Variants in CPD observed in about 807,000 individuals in gnomAD.
CPD encodes metallocarboxypeptidase D.
Under a neutral mutation model 138.3 loss-of-function variants are expected in CPD, and 69 were observed. That is an observed-to-expected ratio of 0.50 (90% CI 0.41 to 0.61). The LOEUF is 0.61. Among genes scored for constraint, CPD ranks in the 20% least tolerant of loss-of-function variants. The probability of loss-of-function intolerance (pLI) is 0.00; values close to 1 mark genes in which losing one functional copy is unlikely to be tolerated. For missense variants in CPD, 1,432 were observed against 1,733.3 expected (o/e 0.83, Z 3.09); for synonymous variants, 651 against 642.1 (o/e 1.01, Z -0.21).
At chr17:30,458,935 A>T (rs902298471) in intron 17 of CPD, among the ~76,000 whole-genome samples, 65 of 151,188 alleles carry the variant, frequency 4.3e-4, no homozygotes, top group Admixed American at 3.1e-3. Flanking sequence ...GATGCAGTTT[A>T]TTTTTTATGG....
In CPD at chr17:30,385,034, C is replaced by T; in HGVS notation, c.792C>T (p.Ser264=). The T allele has an allele frequency of 5.0e-6, 8 of 1,614,026 alleles. No homozygotes were observed. The highest frequency in any genetic ancestry group is 5.1e-6 in the Non-Finnish European group (6 of 1,179,934). Residue 264 remains serine, a synonymous_variant, in exon 2 of 21, where the codon AGC becomes AGT. Transcript: ENST00000225719. ...GNLHGGSVVA[S]YPFDDSPEHK... Reference sequence around the variant, plus strand: ...TGCATGGTGGCTCAGTGGTAGCAAGCTATCCTTTTGATGATTCTCCAGAAC... The same window carrying T: ...TGCATGGTGGCTCAGTGGTAGCAAGTTATCCTTTTGATGATTCTCCAGAAC...
At chr17:30,407,477 A>G (rs1189076084) in intron 2 of CPD, among the ~76,000 whole-genome samples, 1 of 151,960 alleles carries the variant, frequency 6.6e-6, no homozygotes, top group African/African-American at 2.4e-5. Context: ...TCCAGTATCT[A>G]TTGTTTCCTG....
At chr17:30,420,349 C>T (rs559087676) in intron 2 of CPD, among the ~76,000 whole-genome samples, 2 of 152,276 alleles carry the variant, frequency 1.3e-5, no homozygotes, top group South Asian at 2.1e-4. Context: ...AATAATGCTT[C>T]GGCATGAATA....
chr17:30,422,607 T>G, intron 4 of CPD, 67 bp from the exon 5 acceptor site: 1 of 1,060,590 alleles, frequency 9.4e-7, no homozygotes, highest in Non-Finnish European at 1.4e-6. Flanking sequence ...GCTACTGTGC[T>G]TTTATAATAT....
At chr17:30,435,634 A>G (rs1912679227) in intron 8 of CPD, among the ~76,000 whole-genome samples, 1 of 152,208 alleles carries the variant, frequency 6.6e-6, no homozygotes, top group African/African-American at 2.4e-5. Flanking sequence ...ACAAAAAAAG[A>G]TTGATACATT....
chr17:30,403,046 C>T (rs952584037), intron 2 of CPD, among the ~76,000 whole-genome samples: 8 of 152,086 alleles, frequency 5.3e-5, no homozygotes, highest in East Asian at 1.9e-4. Context: ...GTGGAGGTTG[C>T]GGTGAGCAGA....
intron 2 of CPD, among the ~76,000 whole-genome samples, chr17:30,417,140 C>A (rs1049554628): frequency 5.9e-5 from 9 of 151,432 alleles, no homozygotes; most frequent in Non-Finnish European, 1.3e-4. Context: ...TTCTCACTAT[C>A]TGATATTTTT....
At chr17:30,397,707 A>G (rs1362661947) in intron 2 of CPD, among the ~76,000 whole-genome samples, 2 of 140,954 alleles carry the variant, frequency 1.4e-5, no homozygotes, top group Non-Finnish European at 3.0e-5. Context: ...ACTGCACTGC[A>G]GCTTGGGTGA....
rs1015835392 is a variant in CPD, at chr17:30,382,857, C to T, written c.747-2132C>T. ...CCAGAGGGTATTTGTTTGTTTGTTT[C>T]GCTCACAGATGTATCTATCCCTGGA... is the stretch of plus-strand genomic sequence containing the variant. On this transcript the variant is annotated intron_variant, in intron 1 of 20. Transcript: ENST00000225719. Among the ~76,000 whole-genome samples the T allele has an allele frequency of 3.3e-5, 5 of 152,026 alleles. No homozygotes were observed. The East Asian group carries it at 5.8e-4, about 18-fold the overall frequency.
In CPD at chr17:30,401,980, C is replaced by T. The variant is rs551029649; in HGVS notation, c.994+16744C>T. On this transcript the variant is annotated intron_variant, in intron 2 of 20. Coordinates refer to ENST00000225719, the MANE Select transcript of CPD (RefSeq NM_001304.5). ...AAATAGCATGGCGCCATTTTTTTTTCTCTCCTGAGACTCCAGTGATAACAA... is the reference window on the plus strand; with the variant it reads ...AAATAGCATGGCGCCATTTTTTTTTTTCTCCTGAGACTCCAGTGATAACAA... Among the ~76,000 whole-genome samples the T allele has an allele frequency of 8.9e-3, 1,146 of 129,288 alleles. 13 individuals carry two copies. The highest frequency in any genetic ancestry group is 0.03 in the African/African-American group (1,040 of 35,056). The allele number at this position is 129,288 out of a possible 152,430, so 84.8% of individuals were successfully genotyped here. A position where few individuals can be genotyped will look rare whatever the true frequency, so the allele number is the denominator to read the frequency against.
At chr17:30,435,308 A>G (rs1912670418) in intron 8 of CPD, among the ~76,000 whole-genome samples, 1 of 152,186 alleles carries the variant, frequency 6.6e-6, no homozygotes, top group Non-Finnish European at 1.5e-5. Flanking sequence ...AGACAGACAT[A>G]TAGATCAATG....
At chr17:30,451,462 A>C (rs900883636) in intron 13 of CPD, among the ~76,000 whole-genome samples, 1 of 152,224 alleles carries the variant, frequency 6.6e-6, no homozygotes, top group African/African-American at 2.4e-5. Context: ...GCCTGCTGTT[A>C]GTGGTTTCTC....
At chr17:30,383,534 CTAATTA>C (rs1201631616) in intron 1 of CPD, among the ~76,000 whole-genome samples, 1 of 152,148 alleles carries the variant, frequency 6.6e-6, no homozygotes, top group Non-Finnish European at 1.5e-5. Flanking sequence ...TGGAAGGGTG[CTAATTA>C]TAATTATATT....
intron 8 of CPD, among the ~76,000 whole-genome samples, chr17:30,437,215 G>A (rs1030288620): frequency 6.6e-6 from 1 of 152,006 alleles, no homozygotes; most frequent in East Asian, 1.9e-4. Flanking sequence ...TTATTATGGT[G>A]GGTGGTTATA....
In CPD at chr17:30,379,014, C is replaced by T. The variant is rs1385073062; in HGVS notation, c.34C>T (p.Arg12Trp). 2 of 1,550,140 alleles carry T rather than the reference C, an allele frequency of 1.3e-6. No individual in the cohort carries two copies. Among genetic ancestry groups the T allele is most frequent in the African/African-American group, 1.4e-5 (1 of 70,284 alleles). ...CGGCCGGGACGAGCGGCCGCCTTGG[C>T]GGCTAGGGCGGCTCCTGTTGCTCAT... is the stretch of plus-strand genomic sequence containing the variant. ...ASGRDERPPWRLGRLLLLMCL... is the reference protein window; with the variant it reads ...ASGRDERPPWWLGRLLLLMCL... Residue 12 changes from arginine to tryptophan, a missense_variant, in exon 1 of 21, where the codon CGG becomes TGG. By Grantham distance (101) the Arg-to-Trp change is moderately radical (BLOSUM62 -3). This residue lies in a region of CPD where 484 missense variants were observed against 477.2 expected (regional missense o/e 1.01). Transcript: ENST00000225719. The surrounding 1 kb of genome is among the most constrained non-coding windows in gnomAD (Gnocchi z 7.0).
At chr17:30,388,193 T>C (rs992597048) in intron 2 of CPD, among the ~76,000 whole-genome samples, 1 of 152,062 alleles carries the variant, frequency 6.6e-6, no homozygotes, top group African/African-American at 2.4e-5. Flanking sequence ...TGTATGCCGA[T>C]TGGTTCATGG....
At position 30,421,735 on chromosome 17, in the gene CPD, A is replaced by T. The variant is rs1031627788; in HGVS notation, c.1209A>T (p.Ser403=). 5.0e-6 allele frequency: 8 copies of T among 1,613,292 alleles called. No individual in the cohort carries two copies. Among genetic ancestry groups the T allele is most frequent in the Non-Finnish European group, 6.8e-6 (8 of 1,179,256 alleles). ...CTGGGTTAGAGAATGCAACCATCTC[A>T]GTGGCTGGTATTAATCATAATATCA... ...TGSGLENATI[S]VAGINHNITT... Residue 403 remains serine (S), a synonymous_variant, in exon 4 of 21, where the codon TCA becomes TCT. Coordinates refer to ENST00000225719, the MANE Select transcript of CPD (RefSeq NM_001304.5).
intron 20 of CPD, among the ~76,000 whole-genome samples, chr17:30,463,341 C>T (rs1913544603): frequency 6.6e-6 from 1 of 152,154 alleles, no homozygotes; most frequent in African/African-American, 2.4e-5. Context: ...AACATAAGTT[C>T]TGAGAGAGGG....
chr17:30,438,905 T>C (rs1436651161), intron 8 of CPD, 70 bp from the exon 9 acceptor site: 3 of 973,896 alleles, frequency 3.1e-6, no homozygotes, highest in Non-Finnish European at 4.6e-6. Flanking sequence ...TATTTTCCTG[T>C]ATCTTTCCAG....
Sources: gnomAD v4.1 joint callset for allele counts (sites outside exome capture counted in the v4.1 genomes callset) on GRCh38, gnomAD v4.1.1 for gene constraint, gnomAD v4.1.1 regional missense constraint, Gnocchi (gnomAD v3.1) non-coding constraint, MANE v1.5 for transcripts, NCBI Gene and HGNC (gene_info 2026-07-23, HGNC 2026-07-21) for gene names.